The following PLCE1 variants were observed in gnomAD, a reference collection of about 807,000 sequenced individuals.
The protein encoded by PLCE1 is phospholipase C epsilon 1.
A neutral mutation model predicts 242.8 loss-of-function variants in PLCE1; 119 were observed. The ratio of observed to expected loss-of-function variants is 0.49; its 90% CI spans 0.42 to 0.57. The LOEUF (loss-of-function observed/expected upper bound fraction) is 0.57. Ranked by LOEUF, PLCE1 falls within the 20% of genes least tolerant of loss-of-function variation. PLCE1 has a pLI of 0.00. For synonymous variants in PLCE1, 945 were observed against 1,017.4 expected (o/e 0.93, Z 1.35); for missense variants, 2,441 against 2,788.8 (o/e 0.88, Z 2.81).
At chr10:94,039,445 A>G (rs11187772) in intron 2 of PLCE1, among the ~76,000 whole-genome samples, 60,599 of 151,342 alleles carry the variant, frequency 0.4, 14,996 homozygotes, top group African/African-American at 0.71. Flanking sequence ...GCAGTGGCAC[A>G]ATCTAGACTC....
chr10:94,094,279 T>C (rs1255339702), intron 2 of PLCE1, among the ~76,000 whole-genome samples: 3 of 151,948 alleles, frequency 2.0e-5, no homozygotes, highest in Admixed American at 1.3e-4. Context: ...TACCAGGCAT[T>C]GTACGAGGTA....
At chr10:94,146,531 A>G (rs147630795) in intron 3 of PLCE1, among the ~76,000 whole-genome samples, 11 of 152,336 alleles carry the variant, frequency 7.2e-5, no homozygotes, top group Non-Finnish European at 1.3e-4. Flanking sequence ...CCAGGCTTAC[A>G]TAAAGCATAG....
At chr10:94,238,708 G>A (rs2050404881) in intron 7 of PLCE1, among the ~76,000 whole-genome samples, 1 of 152,158 alleles carries the variant, frequency 6.6e-6, no homozygotes, top group Admixed American at 6.5e-5. Flanking sequence ...AGTAGCATGT[G>A]GCACCATTGT....
chr10:94,004,296 T>C (rs1739219777), intron 1 of PLCE1, among the ~76,000 whole-genome samples: 1 of 152,136 alleles, frequency 6.6e-6, no homozygotes, highest in Non-Finnish European at 1.5e-5. Context: ...GAGTAAAACA[T>C]TAAATAGCAG....
intron 25 of PLCE1, 27 bp downstream of exon 25, chr10:94,304,672 ATAAG>A: frequency 6.2e-7 from 1 of 1,612,008 alleles, no homozygotes; most frequent in Non-Finnish European, 8.5e-7. Context: ...GAGAAAGAAC[ATAAG>A]GTCGGGTTTA....
At chr10:94,053,467 A>G (rs1478178599) in intron 2 of PLCE1, among the ~76,000 whole-genome samples, 1 of 152,166 alleles carries the variant, frequency 6.6e-6, no homozygotes, top group South Asian at 2.1e-4. Context: ...CACGCATGAC[A>G]TTTTTACTTT....
chr10:94,015,649 C>A (rs575799305), intron 1 of PLCE1, among the ~76,000 whole-genome samples: 1 of 151,982 alleles, frequency 6.6e-6, no homozygotes, highest in Non-Finnish European at 1.5e-5. Flanking sequence ...CTGACTAGAA[C>A]GTGGCTCAGG....
chr10:94,279,175 G>T (rs2052092305), intron 19 of PLCE1: 1 of 157,658 alleles, frequency 6.3e-6, no homozygotes, highest in Non-Finnish European at 1.4e-5. Context: ...TCACTTCACA[G>T]TAATTCCAGT....
intron 16 of PLCE1, 83 bp from the exon 17 acceptor site, chr10:94,268,846 T>C: frequency 2.5e-6 from 2 of 785,280 alleles, no homozygotes; most frequent in Non-Finnish European, 2.3e-6. Flanking sequence ...CACTGCCTGA[T>C]ATGTAGAACT....
intron 4 of PLCE1, among the ~76,000 whole-genome samples, chr10:94,173,236 C>G (rs1170671907): frequency 6.6e-6 from 1 of 152,204 alleles, no homozygotes; most frequent in Non-Finnish European, 1.5e-5. Context: ...TTCCCACCTG[C>G]AGCAGGATTG....
chr10:94,164,668 G>A (rs992461156), intron 3 of PLCE1, among the ~76,000 whole-genome samples: 9 of 152,298 alleles, frequency 5.9e-5, no homozygotes, highest in South Asian at 2.1e-4. Context: ...GCTTTGTTCC[G>A]TTGCTGGTGA....
intron 22 of PLCE1, among the ~76,000 whole-genome samples, chr10:94,291,661 T>C (rs929985327): frequency 1.3e-5 from 2 of 152,122 alleles, no homozygotes; most frequent in Non-Finnish European, 2.9e-5. Flanking sequence ...TAGCACATCG[T>C]CGGGAGCATG....
intron 4 of PLCE1, among the ~76,000 whole-genome samples, chr10:94,222,587 A>G (rs988886341): frequency 1.3e-5 from 2 of 152,158 alleles, no homozygotes; most frequent in Non-Finnish European, 2.9e-5. Flanking sequence ...TGCTCAAGAA[A>G]ATGATGTTTT....
intron 2 of PLCE1, chr10:94,096,595 C>T (rs1370417660): frequency 6.6e-6 from 1 of 152,102 alleles, no homozygotes; most frequent in Non-Finnish European, 1.5e-5. Flanking sequence ...CAGGTCCCTC[C>T]CAAGACATGT....
At chr10:94,022,471 A>G (rs1200416909) in intron 1 of PLCE1, among the ~76,000 whole-genome samples, 1 of 151,872 alleles carries the variant, frequency 6.6e-6, no homozygotes, top group African/African-American at 2.4e-5. Context: ...TTCTTTGCAT[A>G]TATATATAAA....
intron 7 of PLCE1, among the ~76,000 whole-genome samples, chr10:94,245,112 A>G (rs1026548702): frequency 2.0e-5 from 3 of 152,222 alleles, no homozygotes; most frequent in African/African-American, 4.8e-5. Context: ...ACTTGTGTTT[A>G]TGATTTAATT....
In PLCE1 at chr10:94,298,233, C is replaced by T. The variant is rs2052910658; in HGVS notation, c.5168-146C>T. ...TAGCCACCATGTTGTTTTAAAGTGG[C>T]GAACTAACTCACAAGTAAAATCCAA... On this transcript the variant is annotated intron_variant, in intron 23 of 32. Transcript: ENST00000371380. This position sits in a 1 kb window ranked among gnomAD's most constrained non-coding sequence, Gnocchi z 5.2. 20 of 718,698 alleles carry T rather than the reference C, an allele frequency of 2.8e-5. No individual in the cohort carries two copies. Among genetic ancestry groups the T allele is most frequent in the South Asian group, 1.8e-4 (10 of 56,802 alleles). The allele number at this position is 718,698 out of a possible 1,614,324, so 44.5% of individuals were successfully genotyped here.
rs1223662 is a variant in PLCE1, at chr10:94,252,725, C to T, written c.3279+227C>T. On this transcript the variant is annotated intron_variant, in intron 9 of 32. Coordinates refer to ENST00000371380, the MANE Select transcript of PLCE1 (RefSeq NM_016341.4). ...CATAGACATGTAAACAAACACAGTGCGAGCTAAAAAGAGACATCGTTGAGT... is the reference window on the plus strand; with the variant it reads ...CATAGACATGTAAACAAACACAGTGTGAGCTAAAAAGAGACATCGTTGAGT... 0.016 allele frequency among the ~76,000 whole-genome samples: 2,492 copies of T among 152,104 alleles called. 72 individuals carry two copies. Among genetic ancestry groups the T allele is most frequent in the African/African-American group, 0.057 (2,345 of 41,464 alleles).
chr10:94,312,687 CA>C (rs1197404943), intron 27 of PLCE1, among the ~76,000 whole-genome samples: 1 of 152,192 alleles, frequency 6.6e-6, no homozygotes, highest in Non-Finnish European at 1.5e-5. Flanking sequence ...GATAGTGTCC[CA>C]TTTGCCCCTG....
Sources: allele counts gnomAD v4.1 joint callset (sites outside exome capture counted in the v4.1 genomes callset), GRCh38; gene constraint gnomAD v4.1.1; non-coding constraint Gnocchi (gnomAD v3.1); transcripts MANE v1.5; gene names NCBI Gene and HGNC (gene_info 2026-07-23, HGNC 2026-07-21).